The following FOXO1 variants were observed in gnomAD, a reference collection of about 807,000 sequenced individuals.
The protein encoded by FOXO1 is forkhead box protein O1.
In FOXO1, 6 loss-of-function variants were observed where a neutral mutation model predicts 44.1. That is an observed-to-expected ratio of 0.14 (90% CI 0.07 to 0.27). The LOEUF is 0.27. Among genes scored for constraint, FOXO1 ranks in the 10% least tolerant of loss-of-function variants. The pLI is 1.00. For missense variants in FOXO1, 737 were observed against 888.8 expected, an observed-to-expected ratio of 0.83 and a Z score of 2.17; for synonymous variants, 380 against 362.7, an observed-to-expected ratio of 1.05 and a Z score of -0.54.
chr13:40,584,837 A>G (rs1875097264), intron 1 of FOXO1, among the ~76,000 whole-genome samples: 2 of 152,232 alleles, frequency 1.3e-5, no homozygotes, highest in African/African-American at 4.8e-5. Context: ...TTCGGATGTT[A>G]TGATTCACTA....
At chr13:40,613,080 T>G (rs60968891) in intron 1 of FOXO1, among the ~76,000 whole-genome samples, 106 of 152,344 alleles carry the variant, frequency 7.0e-4, no homozygotes, top group African/African-American at 2.5e-3. Flanking sequence ...GGCTGTAAGA[T>G]GATCTCCAGT....
chr13:40,592,272 G>A (rs1875403298), intron 1 of FOXO1, among the ~76,000 whole-genome samples: 1 of 152,072 alleles, frequency 6.6e-6, no homozygotes. Context: ...AACTAATTGA[G>A]GACCTGTATC....
chr13:40,629,238 G>T (rs1593406798), intron 1 of FOXO1, among the ~76,000 whole-genome samples: 2 of 152,138 alleles, frequency 1.3e-5, no homozygotes, highest in African/African-American at 2.4e-5. Context: ...CGCCTCCCGG[G>T]TTCAAGCTAT....
At chr13:40,644,019 AAGTT>A (rs1441784288) in intron 1 of FOXO1, among the ~76,000 whole-genome samples, 1 of 152,220 alleles carries the variant, frequency 6.6e-6, no homozygotes, top group Admixed American at 6.5e-5. Context: ...TTACAGATCT[AAGTT>A]AGGCTCATGA....
intron 1 of FOXO1, among the ~76,000 whole-genome samples, chr13:40,635,390 G>C (rs772897474): frequency 1.3e-5 from 2 of 152,038 alleles, no homozygotes; most frequent in Non-Finnish European, 2.9e-5. Flanking sequence ...TCCTGATAAA[G>C]AACACTTTAA....
intron 1 of FOXO1, among the ~76,000 whole-genome samples, chr13:40,655,053 C>A (rs780188233): frequency 6.6e-6 from 1 of 152,022 alleles, no homozygotes; most frequent in Admixed American, 6.6e-5. Flanking sequence ...CAATAGTGGT[C>A]GGCAGGGCGT....
chr13:40,572,825 A>T (rs1874589420), intron 1 of FOXO1, among the ~76,000 whole-genome samples: 1 of 152,174 alleles, frequency 6.6e-6, no homozygotes, highest in Admixed American at 6.5e-5. Flanking sequence ...TTACACTCTA[A>T]GACACAGTAG....
At chr13:40,581,346 T>A (rs1874948354) in intron 1 of FOXO1, among the ~76,000 whole-genome samples, 1 of 152,198 alleles carries the variant, frequency 6.6e-6, no homozygotes, top group African/African-American at 2.4e-5. Flanking sequence ...CATACAATAG[T>A]ACAAATTGTG....
chr13:40,602,738 C>A, intron 1 of FOXO1, among the ~76,000 whole-genome samples: 1 of 152,194 alleles, frequency 6.6e-6, no homozygotes. Flanking sequence ...CCTTTCAACA[C>A]TACCTGCCAA....
chr13:40,559,375 T>A (rs1047802662), intron 2 of FOXO1, 134 bp downstream of exon 2: 1 of 762,416 alleles, frequency 1.3e-6, no homozygotes, highest in Non-Finnish European at 2.0e-6. Flanking sequence ...GGACAGAGAA[T>A]GAATGATAAA....
intron 1 of FOXO1, among the ~76,000 whole-genome samples, chr13:40,594,504 C>G (rs972380131): frequency 6.6e-6 from 1 of 152,200 alleles, no homozygotes; most frequent in African/African-American, 2.4e-5. Flanking sequence ...ACTGAAAGAG[C>G]AGAATGCATG....
intron 1 of FOXO1, among the ~76,000 whole-genome samples, chr13:40,626,657 C>T (rs1410512990): frequency 6.6e-6 from 1 of 152,138 alleles, no homozygotes; most frequent in Non-Finnish European, 1.5e-5. Context: ...CTTTCAAAAC[C>T]CGTCCTTAAA....
intron 1 of FOXO1, among the ~76,000 whole-genome samples, chr13:40,656,381 C>T (rs552561222): frequency 6.6e-6 from 1 of 152,298 alleles, no homozygotes; most frequent in Admixed American, 6.5e-5. Flanking sequence ...CAGAATTTCT[C>T]ATTTTTCAAA....
intron 1 of FOXO1, among the ~76,000 whole-genome samples, chr13:40,568,413 C>T (rs1458991835): frequency 1.3e-5 from 2 of 152,296 alleles, no homozygotes; most frequent in East Asian, 1.9e-4. Context: ...GCTCTTCCTG[C>T]ACTTCCACAA....
intron 1 of FOXO1, chr13:40,618,917 G>T: frequency 1.9e-6 from 1 of 526,522 alleles, no homozygotes; most frequent in Non-Finnish European, 3.8e-6. Context: ...CTCCCCTAGA[G>T]AAATAACATC....
chr13:40,639,145 G>A (rs1877266438), intron 1 of FOXO1, among the ~76,000 whole-genome samples: 1 of 152,032 alleles, frequency 6.6e-6, no homozygotes, highest in South Asian at 2.1e-4. Flanking sequence ...AGTGAGCTGA[G>A]ATCAGATAGT....
At chr13:40,640,110 A>T (rs1433597544) in intron 1 of FOXO1, among the ~76,000 whole-genome samples, 2 of 152,248 alleles carry the variant, frequency 1.3e-5, no homozygotes, top group Admixed American at 6.5e-5. Flanking sequence ...TAAAACAAAC[A>T]TTAAAAACTC....
chr13:40,585,343 G>GCACGCA (rs1555248755), intron 1 of FOXO1, among the ~76,000 whole-genome samples: 10 of 147,020 alleles, frequency 6.8e-5, no homozygotes, highest in Non-Finnish European at 1.0e-4. Flanking sequence ...CTGCGCGCGC[G>GCACGCA]CACACACACA....
chr13:40,590,314 T>C (rs995746823), intron 1 of FOXO1, among the ~76,000 whole-genome samples: 7 of 152,194 alleles, frequency 4.6e-5, no homozygotes, highest in African/African-American at 1.4e-4. Context: ...AACAGGAATG[T>C]GTACTATACT....
Sources: gnomAD v4.1 joint callset for allele counts (sites outside exome capture counted in the v4.1 genomes callset) on GRCh38, gnomAD v4.1.1 for gene constraint, MANE v1.5 for transcripts, NCBI Gene and HGNC (gene_info 2026-07-23, HGNC 2026-07-21) for gene names.